The following RFTN1 variants were observed in gnomAD, a reference collection of about 807,000 sequenced individuals.
The protein encoded by RFTN1 is raftlin, lipid raft linker 1, also known as raftlin.
A neutral mutation model predicts 46.5 loss-of-function variants in RFTN1; 26 were observed. The observed-to-expected ratio is 0.56, with a 90% CI of 0.41 to 0.78. The LOEUF is 0.78. Ranked by LOEUF, RFTN1 falls within the 30% of genes least tolerant of loss-of-function variation. RFTN1 has a pLI of 0.00. For synonymous variants in RFTN1, 261 were observed against 284.2 expected, an observed-to-expected ratio of 0.92 and a Z score of 0.82; for missense variants, 693 against 718.7, an observed-to-expected ratio of 0.96 and a Z score of 0.41.
At chr3:16,423,243 C>T (rs997796349) in intron 3 of RFTN1, among the ~76,000 whole-genome samples, 2 of 151,294 alleles carry the variant, frequency 1.3e-5, no homozygotes, top group Non-Finnish European at 2.9e-5. Flanking sequence ...CAGTTTTGTC[C>T]TTCCACAGAC....
intron 2 of RFTN1, chr3:16,454,707 T>C: frequency 1.0e-6 from 1 of 952,398 alleles, no homozygotes; most frequent in Non-Finnish European, 1.3e-6. Context: ...CACAACTCTT[T>C]CTAGAAGAGA....
rs758887586 is a variant in RFTN1, at chr3:16,329,306, C to T, written c.1147-2430G>A. Among the ~76,000 whole-genome samples the T allele has an allele frequency of 2.0e-5, 3 of 152,028 alleles. No individual in the cohort carries two copies. The highest frequency in any genetic ancestry group is 4.4e-5 in the Non-Finnish European group (3 of 68,020). On this transcript the variant is annotated intron_variant, in intron 7 of 9. Transcript: ENST00000334133. This position sits in a 1 kb window ranked among gnomAD's most constrained non-coding sequence, Gnocchi z 4.5. Reference sequence around the variant, plus strand: ...TTGCCTGATCTCAGGTATCCTGTTACAACAGCACAAGTGGACCGAGACAGG... The same window carrying T: ...TTGCCTGATCTCAGGTATCCTGTTATAACAGCACAAGTGGACCGAGACAGG...
rs1001646831 is a variant in RFTN1, at chr3:16,446,435, G to A, written c.146-12398C>T. On this transcript the variant is annotated intron_variant, in intron 2 of 9. Coordinates refer to ENST00000334133, the MANE Select transcript of RFTN1 (RefSeq NM_015150.2). This position sits in a 1 kb window ranked among gnomAD's most constrained non-coding sequence, Gnocchi z 4.5. ...GAAATCTTCATCGGCCTCATCTCTCGGTCCACGTCCAACAAGCAGAAGGGA... is the reference window on the plus strand; with the variant it reads ...GAAATCTTCATCGGCCTCATCTCTCAGTCCACGTCCAACAAGCAGAAGGGA... 2.6e-5 allele frequency among the ~76,000 whole-genome samples: 4 copies of A among 151,724 alleles called. No individual in the cohort carries two copies. The highest frequency in any genetic ancestry group is 4.4e-5 in the Non-Finnish European group (3 of 67,992).
rs1219809267 is a variant in RFTN1, at chr3:16,381,242, G to A, written c.442-3140C>T. 6.6e-6 allele frequency among the ~76,000 whole-genome samples: 1 copy of A among 152,206 alleles called. No homozygotes were observed. The highest frequency in any genetic ancestry group is 2.4e-5 in the African/African-American group (1 of 41,440). On this transcript the variant is annotated intron_variant, in intron 4 of 9. Transcript: ENST00000334133. This position sits in a 1 kb window ranked among gnomAD's most constrained non-coding sequence, Gnocchi z 4.2. ...ATGAAAACAGCACTGTATTTGGGGA[G>A]TGGGGCTATAAGTGATTTTTTTCTA...
intron 6 of RFTN1, among the ~76,000 whole-genome samples, chr3:16,366,536 G>A (rs933307558): frequency 1.5e-4 from 23 of 152,094 alleles, no homozygotes; most frequent in African/African-American, 5.3e-4. Flanking sequence ...CCAAAGTCCC[G>A]CTGGGGGCCA....
At chr3:16,437,432 G>A (rs1429637581) in intron 2 of RFTN1, among the ~76,000 whole-genome samples, 2 of 152,138 alleles carry the variant, frequency 1.3e-5, no homozygotes, top group Non-Finnish European at 2.9e-5. Context: ...TGCCCTCAAG[G>A]AGAATCGCTT....
At position 16,507,815 on chromosome 3, in the gene RFTN1, A is replaced by T. The variant is rs2076834687; in HGVS notation, c.-9+5627T>A. On this transcript the variant is annotated intron_variant, in intron 1 of 9. Coordinates refer to ENST00000334133, the MANE Select transcript of RFTN1 (RefSeq NM_015150.2). This position sits in a 1 kb window ranked among gnomAD's most constrained non-coding sequence, Gnocchi z 7.1. ...CACAAACACACACAAACGCACATAC[A>T]TACATACATACACACACACACACAT... 7.6e-6 allele frequency among the ~76,000 whole-genome samples: 1 copy of T among 131,472 alleles called. No homozygotes were observed. The highest frequency in any genetic ancestry group is 1.7e-5 in the Non-Finnish European group (1 of 60,124). 86.3% of individuals were successfully genotyped at this position (131,472 alleles called of 152,430 possible).
intron 4 of RFTN1, among the ~76,000 whole-genome samples, chr3:16,403,401 A>G (rs961395708): frequency 3.3e-5 from 5 of 150,714 alleles, no homozygotes; most frequent in Non-Finnish European, 7.4e-5. Context: ...CAGGCATGAG[A>G]TGAGGGTTAA....
chr3:16,317,203 C>A lies in RFTN1; in HGVS notation c.1362G>T (p.Met454Ile), dbSNP rs1183997720. The A allele has an allele frequency of 5.0e-6, 8 of 1,613,014 alleles. No individual in the cohort carries two copies. Among genetic ancestry groups the A allele is most frequent in the Non-Finnish European group, 6.8e-6 (8 of 1,179,972 alleles). ...TTGATTTCCTCATCTGCCTGTTGTG[C>A]ATTTCTTCTCTGGAGAATCGCCACT... ...KFQWRFSREE[M>I]HNRQMRKSKG... The change falls in exon 10 of 10, where the codon ATG becomes ATT. Residue 454 changes from methionine to isoleucine, a missense_variant. Transcript: ENST00000334133. The surrounding 1 kb of genome is among the most constrained non-coding windows in gnomAD (Gnocchi z 4.3).
At position 16,317,078 on chromosome 3, in the gene RFTN1, G is replaced by T; in HGVS notation, c.1487C>A (p.Ser496Ter). The T allele has an allele frequency of 3.1e-6, 5 of 1,613,748 alleles. No individual in the cohort carries two copies. Among genetic ancestry groups the T allele is most frequent in the Non-Finnish European group, 4.2e-6 (5 of 1,179,930 alleles). The change falls in exon 10 of 10, where the codon TCA becomes TAA. Residue 496 changes from serine to a stop codon, truncating the protein, a stop_gained. Coordinates refer to ENST00000334133, the MANE Select transcript of RFTN1 (RefSeq NM_015150.2). LOFTEE classifies it low-confidence loss of function (END_TRUNC). The surrounding 1 kb of genome is among the most constrained non-coding windows in gnomAD (Gnocchi z 4.3). ...GACTCCACCCTCCTGCTGCTGTCCT[G>T]AAACACAGTTTCCCATGTCTCCAGC... ...SKAGDMGNCV[S>*]GQQQEGGVSE...
chr3:16,488,929 G>A (rs1276746294), intron 2 of RFTN1, among the ~76,000 whole-genome samples: 1 of 152,204 alleles, frequency 6.6e-6, no homozygotes, highest in Non-Finnish European at 1.5e-5. Flanking sequence ...TGACCCAGAT[G>A]TTTATCAACC....
intron 2 of RFTN1, among the ~76,000 whole-genome samples, chr3:16,463,945 G>A (rs965603252): frequency 1.9e-4 from 29 of 152,130 alleles, no homozygotes; most frequent in African/African-American, 7.0e-4. Flanking sequence ...TAGCCCTCCT[G>A]GACTTCACTG....
Position 16,378,089 on chromosome 3 carries a change from G to C in RFTN1, c.455C>G (p.Ala152Gly). The change falls in exon 5 of 10, where the codon GCA becomes GGA. Residue 152 changes from alanine to glycine, a missense_variant. By Grantham distance (60) the Ala-to-Gly change is moderately conservative. Transcript: ENST00000334133. ...PEFIKKIQEA[A>G]SQGLKFVGVI... is the part of the protein sequence containing the mutation. Reference sequence around the variant, plus strand: ...ACCAACGAATTTCAGGCCCTGGCTTGCAGCCTCCTGGATCTGTGAGGCAAA... The same window carrying C: ...ACCAACGAATTTCAGGCCCTGGCTTCCAGCCTCCTGGATCTGTGAGGCAAA... 1 of 1,610,794 alleles carries C rather than the reference G, an allele frequency of 6.2e-7. No individual in the cohort carries two copies. Among genetic ancestry groups the C allele is most frequent in the South Asian group, 1.1e-5 (1 of 91,048 alleles).
Position 16,475,115 on chromosome 3 carries a change from T to A in RFTN1, c.145+18610A>T, listed in dbSNP as rs949353632. ...AGCATGGCACCTCCTCGTCTCTTGC[T>A]TCCTCTCTCACCATGTGACACACCA... On this transcript the variant is annotated intron_variant, in intron 2 of 9. Transcript: ENST00000334133. The surrounding 1 kb of genome is among the most constrained non-coding windows in gnomAD (Gnocchi z 4.2). Among the ~76,000 whole-genome samples the A allele has an allele frequency of 3.9e-5, 6 of 152,170 alleles. No individual in the cohort carries two copies. Among genetic ancestry groups the A allele is most frequent in the African/African-American group, 1.4e-4 (6 of 41,434 alleles).
intron 4 of RFTN1, among the ~76,000 whole-genome samples, chr3:16,401,194 G>A (rs547744051): frequency 1.2e-4 from 18 of 152,046 alleles, no homozygotes; most frequent in Admixed American, 3.3e-4. Flanking sequence ...ATGGTGGCTC[G>A]CGCCTGTAAT....
rs1295258198 is a variant in RFTN1, at chr3:16,385,722, A to G, written c.442-7620T>C. 6.6e-6 allele frequency among the ~76,000 whole-genome samples: 1 copy of G among 152,228 alleles called. No homozygotes were observed. Among genetic ancestry groups the G allele is most frequent in the Non-Finnish European group, 1.5e-5 (1 of 68,042 alleles). On this transcript the variant is annotated intron_variant, in intron 4 of 9. Coordinates refer to ENST00000334133, the MANE Select transcript of RFTN1 (RefSeq NM_015150.2). The surrounding 1 kb of genome is among the most constrained non-coding windows in gnomAD (Gnocchi z 5.0). ...ATGCCCTGACCAGGAGGGCACAGTC[A>G]AAGAGTCAACACGCTGGAGTAGTCA...
At chr3:16,330,258 C>G (rs1177289014) in intron 7 of RFTN1, among the ~76,000 whole-genome samples, 1 of 152,202 alleles carries the variant, frequency 6.6e-6, no homozygotes, top group African/African-American at 2.4e-5. Flanking sequence ...CTGCCAGACT[C>G]TCCCACTCCG....
At chr3:16,406,048 G>T (rs1048006404) in intron 4 of RFTN1, among the ~76,000 whole-genome samples, 5 of 152,174 alleles carry the variant, frequency 3.3e-5, no homozygotes, top group Admixed American at 6.5e-5. Context: ...ACCACAAATG[G>T]TTTTTAGCAT....
Position 16,440,649 on chromosome 3 carries a change from C to T in RFTN1, c.146-6612G>A, listed in dbSNP as rs759831790. Among the ~76,000 whole-genome samples the T allele has an allele frequency of 2.6e-5, 4 of 151,998 alleles. No homozygotes were observed. The highest frequency in any genetic ancestry group is 5.9e-5 in the Non-Finnish European group (4 of 68,016). On this transcript the variant is annotated intron_variant, in intron 2 of 9. Coordinates refer to ENST00000334133, the MANE Select transcript of RFTN1 (RefSeq NM_015150.2). The surrounding 1 kb of genome is among the most constrained non-coding windows in gnomAD (Gnocchi z 4.6). The stretch of plus-strand genomic sequence containing the variant: ...AGGGGGACAGCAATGAACACCGAGG[C>T]CCCATCTTGCCCAAGGGGACAAGAT...
Sources: gnomAD v4.1 joint callset for allele counts (sites outside exome capture counted in the v4.1 genomes callset) on GRCh38, gnomAD v4.1.1 for gene constraint, Gnocchi (gnomAD v3.1) non-coding constraint, MANE v1.5 for transcripts, NCBI Gene and HGNC (gene_info 2026-07-23, HGNC 2026-07-21) for gene names.